The following NKAIN3 variants were observed in gnomAD, a reference collection of about 807,000 sequenced individuals.
NKAIN3 encodes the protein sodium/potassium transporting ATPase interacting 3, also known as sodium/potassium-transporting ATPase subunit beta-1-interacting protein 3.
Under a neutral mutation model 30.2 loss-of-function variants are expected in NKAIN3, and 25 were observed. That is an observed-to-expected ratio of 0.83 (90% CI 0.60 to 1.16). The LOEUF (loss-of-function observed/expected upper bound fraction) is 1.16. Ranked by LOEUF, NKAIN3 falls within the 50% of genes most tolerant of loss-of-function variation. The pLI, the probability that NKAIN3 is intolerant of heterozygous loss-of-function variation, is 0.00. For missense variants in NKAIN3, 225 were observed against 254.1 expected (o/e 0.89, Z 0.78); for synonymous variants, 91 against 89.6 (o/e 1.02, Z -0.09).
At chr8:62,679,582 G>C (rs1385710733) in intron 3 of NKAIN3, among the ~76,000 whole-genome samples, 1 of 152,186 alleles carries the variant, frequency 6.6e-6, no homozygotes, top group Non-Finnish European at 1.5e-5. Context: ...AAGCATAGCA[G>C]CTTCTGCTTC....
intron 4 of NKAIN3, among the ~76,000 whole-genome samples, chr8:62,845,285 T>TTTTATATATATATATATATATA (rs1554583723): frequency 2.9e-5 from 2 of 68,928 alleles, no homozygotes; most frequent in African/African-American, 9.8e-5. Flanking sequence ...GGATAGTAGA[T>TTTTATATATATATATATATATA]TATATATATA....
At chr8:62,745,323 C>T (rs544108458) in intron 3 of NKAIN3, among the ~76,000 whole-genome samples, 9 of 152,338 alleles carry the variant, frequency 5.9e-5, no homozygotes, top group Middle Eastern at 3.4e-3. Flanking sequence ...GCAAAAGTCA[C>T]GTACGGACCC....
intron 4 of NKAIN3, among the ~76,000 whole-genome samples, chr8:62,880,393 AC>A (rs527257742): frequency 1.3e-3 from 203 of 152,258 alleles, no homozygotes; most frequent in African/African-American, 4.7e-3. Context: ...TCTCAAAAGC[AC>A]CACAGTTACC....
At chr8:62,822,637 T>C (rs921787372) in intron 4 of NKAIN3, among the ~76,000 whole-genome samples, 1 of 152,208 alleles carries the variant, frequency 6.6e-6, no homozygotes, top group Non-Finnish European at 1.5e-5. Context: ...TGTTATATTA[T>C]ACTTGTCATT....
intron 3 of NKAIN3, among the ~76,000 whole-genome samples, chr8:62,607,490 T>C (rs967921847): frequency 1.3e-5 from 2 of 152,120 alleles, no homozygotes; most frequent in Non-Finnish European, 2.9e-5. Context: ...GAGCTTTTAT[T>C]TCTTGGAGAA....
At position 62,402,601 on chromosome 8, in the gene NKAIN3, G is replaced by T. The variant is rs918456077; in HGVS notation, c.54+153474G>T. Among the ~76,000 whole-genome samples the T allele has an allele frequency of 3.9e-5, 6 of 152,106 alleles. No homozygotes were observed. The South Asian group carries it at 6.2e-4, about 16-fold the overall frequency. On this transcript the variant is annotated intron_variant, in intron 1 of 6. Transcript: ENST00000623646. ...TAAGAGGCTTTTCCCTTTGAACTTGGATCTCATTCTTCTCCGTCCTGCCGC... is the reference window on the plus strand; with the variant it reads ...TAAGAGGCTTTTCCCTTTGAACTTGTATCTCATTCTTCTCCGTCCTGCCGC...
intron 3 of NKAIN3, among the ~76,000 whole-genome samples, chr8:62,605,823 T>C (rs564570277): frequency 3.3e-5 from 5 of 152,044 alleles, no homozygotes; most frequent in Non-Finnish European, 7.4e-5. Flanking sequence ...CTGGAATCAA[T>C]GCCCCGTGGA....
At chr8:62,637,059 G>A (rs1812153009) in intron 3 of NKAIN3, among the ~76,000 whole-genome samples, 1 of 151,828 alleles carries the variant, frequency 6.6e-6, no homozygotes, top group Non-Finnish European at 1.5e-5. Flanking sequence ...TTATTTTTTT[G>A]GAAAGGTATG....
At chr8:62,724,605 C>T (rs1272504553) in intron 3 of NKAIN3, among the ~76,000 whole-genome samples, 2 of 152,080 alleles carry the variant, frequency 1.3e-5, no homozygotes, top group African/African-American at 4.8e-5. Flanking sequence ...ATTTTTACCT[C>T]CCACAAATAA....
intron 1 of NKAIN3, among the ~76,000 whole-genome samples, chr8:62,541,693 A>ATT (rs533835829): frequency 6.6e-6 from 1 of 150,894 alleles, no homozygotes; most frequent in Non-Finnish European, 1.5e-5. Flanking sequence ...AATTTATCTT[A>ATT]TTTTTTTCAT....
chr8:62,908,583 G>T (rs1033861219), intron 4 of NKAIN3, among the ~76,000 whole-genome samples: 1 of 152,108 alleles, frequency 6.6e-6, no homozygotes, highest in Non-Finnish European at 1.5e-5. Context: ...TTCCCATGCT[G>T]TTCTCATGAT....
chr8:62,733,839 CTG>C (rs1389995771), intron 3 of NKAIN3, among the ~76,000 whole-genome samples: 30 of 152,188 alleles, frequency 2.0e-4, no homozygotes, highest in African/African-American at 7.0e-4. Flanking sequence ...AAATCATTGA[CTG>C]TCTCTTAAAT....
At chr8:62,890,302 C>T (rs1025071299) in intron 4 of NKAIN3, among the ~76,000 whole-genome samples, 2 of 152,180 alleles carry the variant, frequency 1.3e-5, no homozygotes, top group African/African-American at 2.4e-5. Flanking sequence ...AGATGTTTAG[C>T]AAATAAGCAT....
At chr8:62,763,266 T>G (rs1362408213) in intron 4 of NKAIN3, among the ~76,000 whole-genome samples, 1 of 105,250 alleles carries the variant, frequency 9.5e-6, no homozygotes, top group Non-Finnish European at 2.0e-5. Context: ...AAAAAACTTA[T>G]ATAGTCAGCC....
At chr8:62,479,394 A>G (rs1299177702) in intron 1 of NKAIN3, among the ~76,000 whole-genome samples, 1 of 152,158 alleles carries the variant, frequency 6.6e-6, no homozygotes, top group Non-Finnish European at 1.5e-5. Flanking sequence ...GAGCAAATCA[A>G]GTTGCCCCAA....
chr8:62,727,824 A>C (rs1000149613), intron 3 of NKAIN3, among the ~76,000 whole-genome samples: 11 of 152,156 alleles, frequency 7.2e-5, no homozygotes, highest in African/African-American at 2.7e-4. Context: ...TGTTCTGTGG[A>C]TATCGATAAA....
intron 4 of NKAIN3, among the ~76,000 whole-genome samples, chr8:62,851,834 G>A (rs1819909132): frequency 1.3e-5 from 2 of 152,178 alleles, no homozygotes; most frequent in South Asian, 4.1e-4. Context: ...TAAGCTTTTT[G>A]ATGTGCTGCT....
At chr8:62,760,537 AACACC>A (rs1816619399) in intron 4 of NKAIN3, among the ~76,000 whole-genome samples, 1 of 151,710 alleles carries the variant, frequency 6.6e-6, no homozygotes, top group South Asian at 2.1e-4. Context: ...CAAAAAACCA[AACACC>A]ACATGTTCTC....
At chr8:62,287,377 T>G (rs1019101812) in intron 1 of NKAIN3, among the ~76,000 whole-genome samples, 3 of 152,066 alleles carry the variant, frequency 2.0e-5, no homozygotes, top group Non-Finnish European at 4.4e-5. Context: ...GTTTGAATCC[T>G]GATTCATTGA....
Sources: gnomAD v4.1 joint callset for allele counts (sites outside exome capture counted in the v4.1 genomes callset) on GRCh38, gnomAD v4.1.1 for gene constraint, MANE v1.5 for transcripts, NCBI Gene and HGNC (gene_info 2026-07-23, HGNC 2026-07-21) for gene names.